Variants in SNTG1 observed in about 807,000 individuals in gnomAD.
SNTG1 encodes syntrophin gamma 1, also known as gamma-1-syntrophin.
A neutral mutation model predicts 74.7 loss-of-function variants in SNTG1; 39 were observed. The observed-to-expected ratio is 0.52, with a 90% CI of 0.40 to 0.68. SNTG1 has a LOEUF of 0.68. SNTG1 is among the 30% of genes least tolerant of loss of function. SNTG1 has a pLI of 0.00. For missense variants in SNTG1, 685 were observed against 609.5 expected (o/e 1.12, Z -1.30); for synonymous variants, 254 against 217.1 (o/e 1.17, Z -1.49).
intron 1 of SNTG1, among the ~76,000 whole-genome samples, chr8:50,100,858 G>C (rs971562825): frequency 1.3e-5 from 2 of 151,960 alleles, no homozygotes; most frequent in African/African-American, 2.4e-5. Context: ...ATTGGGGTTT[G>C]GTGTATAGAT....
chr8:50,101,586 T>G (rs1391073259), intron 1 of SNTG1, among the ~76,000 whole-genome samples: 2 of 152,058 alleles, frequency 1.3e-5, no homozygotes, highest in Non-Finnish European at 2.9e-5. Context: ...ACTTTAAGTT[T>G]TAGGGTACAT....
intron 11 of SNTG1, among the ~76,000 whole-genome samples, chr8:50,550,752 C>T (rs2094420792): frequency 6.6e-6 from 1 of 151,770 alleles, no homozygotes; most frequent in African/African-American, 2.4e-5. Flanking sequence ...ACCGTTAATG[C>T]TGTAAAAGTT....
chr8:50,640,768 A>G (rs2095067641), intron 13 of SNTG1, among the ~76,000 whole-genome samples: 1 of 152,062 alleles, frequency 6.6e-6, no homozygotes, highest in South Asian at 2.1e-4. Context: ...ACACATTCTC[A>G]TGTTCAAACC....
intron 17 of SNTG1, among the ~76,000 whole-genome samples, 154 bp from the exon 18 acceptor site, chr8:50,751,847 C>T (rs1294123028): frequency 1.3e-5 from 2 of 151,834 alleles, no homozygotes; most frequent in Admixed American, 1.3e-4. Flanking sequence ...CAAATGTTAA[C>T]ATTTGATAAA....
intron 18 of SNTG1, among the ~76,000 whole-genome samples, chr8:50,774,855 CT>C (rs1563826285): frequency 8.6e-5 from 13 of 151,334 alleles, no homozygotes; most frequent in African/African-American, 2.4e-4. Flanking sequence ...TTTTTGAGCA[CT>C]ATTGACGTTG....
At chr8:49,945,788 A>G (rs1235567643) in intron 1 of SNTG1, among the ~76,000 whole-genome samples, 2 of 152,200 alleles carry the variant, frequency 1.3e-5, no homozygotes, top group African/African-American at 2.4e-5. Flanking sequence ...GTCAAAGCAC[A>G]TGGCCAATCA....
At chr8:49,932,132 T>G (rs1251635323) in intron 1 of SNTG1, among the ~76,000 whole-genome samples, 1 of 152,202 alleles carries the variant, frequency 6.6e-6, no homozygotes, top group Non-Finnish European at 1.5e-5. Context: ...ATCCCTTTTG[T>G]GGAAGAGACA....
chr8:50,032,974 A>G (rs1203436926), intron 1 of SNTG1, among the ~76,000 whole-genome samples: 3 of 151,898 alleles, frequency 2.0e-5, no homozygotes, highest in East Asian at 1.9e-4. Context: ...AATTTCCTAC[A>G]TAGACATTTT....
At chr8:50,421,604 T>A (rs1324898547) in intron 4 of SNTG1, among the ~76,000 whole-genome samples, 3 of 152,186 alleles carry the variant, frequency 2.0e-5, no homozygotes, top group African/African-American at 7.2e-5. Context: ...CTCCTAGTAG[T>A]GCAGCCCAAT....
chr8:50,389,075 G>C (rs545330321), intron 2 of SNTG1, among the ~76,000 whole-genome samples: 1 of 152,276 alleles, frequency 6.6e-6, no homozygotes, highest in Admixed American at 6.5e-5. Context: ...AACTGTTCTC[G>C]TGCAATTGCA....
At chr8:50,378,408 C>T (rs959828508) in intron 2 of SNTG1, among the ~76,000 whole-genome samples, 6 of 152,110 alleles carry the variant, frequency 3.9e-5, no homozygotes, top group Non-Finnish European at 4.4e-5. Flanking sequence ...TCCTTCTCTT[C>T]GCCTGCAACA....
At chr8:50,500,188 T>C (rs2093939082) in intron 8 of SNTG1, among the ~76,000 whole-genome samples, 1 of 151,776 alleles carries the variant, frequency 6.6e-6, no homozygotes, top group South Asian at 2.1e-4. Context: ...TCATATGATA[T>C]GCATTTTATA....
At position 50,109,376 on chromosome 8, in the gene SNTG1, T is replaced by G. The variant is rs112488015; in HGVS notation, c.-102-63185T>G. Among the ~76,000 whole-genome samples, 10 of 152,276 alleles carry G rather than the reference T, an allele frequency of 6.6e-5. 1 individual carries two copies. The highest frequency in any genetic ancestry group is 2.2e-4 in the African/African-American group (9 of 41,578). On this transcript the variant is annotated intron_variant, in intron 1 of 18. Coordinates refer to ENST00000642720, the MANE Select transcript of SNTG1 (RefSeq NM_018967.5). ...GTTTCTTCAATCTTAAGTTCTGTCATCCTGCAGAAAATCACATTACCAAAA... is the reference window on the plus strand; with the variant it reads ...GTTTCTTCAATCTTAAGTTCTGTCAGCCTGCAGAAAATCACATTACCAAAA...
intron 12 of SNTG1, chr8:50,575,574 A>C (rs144513220): frequency 6.6e-6 from 1 of 152,188 alleles, no homozygotes; most frequent in Non-Finnish European, 1.5e-5. Flanking sequence ...TGGGTGCCAA[A>C]TTTCTTGCTG....
intron 17 of SNTG1, among the ~76,000 whole-genome samples, chr8:50,738,669 C>G (rs11994024): frequency 0.37 from 56,312 of 151,772 alleles, 12,050 homozygotes; most frequent in African/African-American, 0.59. Context: ...TACTACAAAG[C>G]TACAGTAACC....
At chr8:50,726,431 G>T (rs1585647748) in intron 17 of SNTG1, among the ~76,000 whole-genome samples, 1 of 152,248 alleles carries the variant, frequency 6.6e-6, no homozygotes, top group South Asian at 2.1e-4. Context: ...CTCAAGTGGG[G>T]CCCCTCAGGC....
chr8:49,993,800 C>T (rs1813916564), intron 1 of SNTG1, among the ~76,000 whole-genome samples: 1 of 152,154 alleles, frequency 6.6e-6, no homozygotes, highest in Admixed American at 6.6e-5. Flanking sequence ...TTTATGCAGT[C>T]TATCATTGAT....
At chr8:50,402,167 A>G (rs2092813911) in intron 3 of SNTG1, 43 bp from the exon 4 acceptor site, 1 of 1,573,066 alleles carries the variant, frequency 6.4e-7, no homozygotes. Flanking sequence ...CCTATAAACT[A>G]AGTATAATTT....
intron 8 of SNTG1, among the ~76,000 whole-genome samples, chr8:50,455,102 C>G (rs1201899791): frequency 6.6e-6 from 1 of 152,134 alleles, no homozygotes; most frequent in African/African-American, 2.4e-5. Flanking sequence ...TGATCTTCCT[C>G]TCTTCACTAG....
Sources: gnomAD v4.1 joint callset for allele counts (sites outside exome capture counted in the v4.1 genomes callset) on GRCh38, gnomAD v4.1.1 for gene constraint, MANE v1.5 for transcripts, NCBI Gene and HGNC (gene_info 2026-07-23, HGNC 2026-07-21) for gene names.